The following ASCC3 variants were observed in gnomAD, a reference collection of about 807,000 sequenced individuals.
The protein encoded by ASCC3 is activating signal cointegrator 1 complex subunit 3, also known as ASC-1 complex subunit P200.
In ASCC3, 158 loss-of-function variants were observed where a neutral mutation model predicts 256.3. The observed-to-expected ratio is 0.62, with a 90% CI of 0.54 to 0.70. ASCC3 has a LOEUF of 0.70. Among genes scored for constraint, ASCC3 ranks in the 30% least tolerant of loss-of-function variants. The pLI is 0.00. For missense variants in ASCC3, 2,259 were observed against 2,626.0 expected (o/e 0.86, Z 3.05); for synonymous variants, 948 against 883.4 (o/e 1.07, Z -1.30).
intron 2 of ASCC3, among the ~76,000 whole-genome samples, chr6:100,866,507 C>T (rs936396769): frequency 3.3e-5 from 5 of 152,306 alleles, no homozygotes; most frequent in Non-Finnish European, 5.9e-5. Flanking sequence ...CATATATACC[C>T]TCAAAATTCA....
rs1772335416 is a variant in ASCC3 at position 100,597,002 on chromosome 6, C to CA, written c.5303+4807dup. ...TGTTCCTTGAATACACCAGGCATGCCAGCCTTAATATCTCTCTTGTTCCCT... is the reference window on the plus strand; with the variant it reads ...TGTTCCTTGAATACACCAGGCATGCCAAGCCTTAATATCTCTCTTGTTCCCT... On this transcript the variant is annotated intron_variant, in intron 34 of 41. Coordinates refer to ENST00000369162, the MANE Select transcript of ASCC3 (RefSeq NM_006828.4). 3.9e-5 allele frequency among the ~76,000 whole-genome samples: 6 copies of CA among 152,274 alleles called. No individual in the cohort carries two copies. The South Asian group carries it at 1.2e-3, about 32-fold the overall frequency.
At chr6:100,859,357 G>T (rs796784941) in intron 3 of ASCC3, among the ~76,000 whole-genome samples, 1 of 152,040 alleles carries the variant, frequency 6.6e-6, no homozygotes, top group Non-Finnish European at 1.5e-5. Flanking sequence ...TCTCTGTAGA[G>T]GGTTGTTCCA....
At position 100,527,196 on chromosome 6, in the gene ASCC3, T is replaced by C. The variant is rs867445659; in HGVS notation, c.5776-9054A>G. On this transcript the variant is annotated intron_variant, in intron 37 of 41. Coordinates refer to ENST00000369162, the MANE Select transcript of ASCC3 (RefSeq NM_006828.4). ...TGTATGCTTATAGTATTAATGCTCA[T>C]AGTTCCTTGAAACATATCCATAAAT... Among the ~76,000 whole-genome samples the C allele has an allele frequency of 3.9e-5, 6 of 152,206 alleles. No individual in the cohort carries two copies. In the East Asian group the frequency reaches 9.6e-4, roughly 24 times the overall value.
chr6:100,614,042 G>T (rs1582564472), intron 30 of ASCC3, among the ~76,000 whole-genome samples: 5 of 152,190 alleles, frequency 3.3e-5, no homozygotes, highest in African/African-American at 1.2e-4. Context: ...AGATATTAAA[G>T]ATTTTTTCTT....
At chr6:100,782,581 GC>G (rs1056510511) in intron 8 of ASCC3, among the ~76,000 whole-genome samples, 1 of 152,000 alleles carries the variant, frequency 6.6e-6, no homozygotes, top group Non-Finnish European at 1.5e-5. Context: ...TTACACATGT[GC>G]AAAATTGTGT....
Position 100,605,266 on chromosome 6 carries a change from G to A in ASCC3, c.5177+302C>T, listed in dbSNP as rs77910039. Among the ~76,000 whole-genome samples, 1,102 of 152,214 alleles carry A rather than the reference G, an allele frequency of 7.2e-3. 11 individuals are homozygous for A. The highest frequency in any genetic ancestry group is 0.027 in the Middle Eastern group (8 of 294). ...TACAATAGGTGCAATAAGGCAATGA[G>A]GTGTTAAGCAACTTGCTCAAGATCA... On this transcript the variant is annotated intron_variant, in intron 33 of 41. Coordinates refer to ENST00000369162, the MANE Select transcript of ASCC3 (RefSeq NM_006828.4).
At chr6:100,721,752 G>A (rs938269212) in intron 11 of ASCC3, among the ~76,000 whole-genome samples, 2 of 151,256 alleles carry the variant, frequency 1.3e-5, no homozygotes, top group Non-Finnish European at 3.0e-5. Context: ...CATTTCTACT[G>A]AAGAAATCAC....
At chr6:100,788,309 G>A (rs914998968) in intron 8 of ASCC3, among the ~76,000 whole-genome samples, 22 of 151,746 alleles carry the variant, frequency 1.4e-4, no homozygotes, top group African/African-American at 5.1e-4. Context: ...TTTTTAAACC[G>A]ACAATATTAT....
At chr6:100,744,045 A>T (rs918544285) in intron 10 of ASCC3, among the ~76,000 whole-genome samples, 1 of 152,196 alleles carries the variant, frequency 6.6e-6, no homozygotes, top group Non-Finnish European at 1.5e-5. Flanking sequence ...TGAAAAAGAT[A>T]CACAGTACTT....
intron 4 of ASCC3, among the ~76,000 whole-genome samples, chr6:100,809,048 G>C (rs1006827477): frequency 2.6e-5 from 4 of 151,928 alleles, no homozygotes; most frequent in Non-Finnish European, 5.9e-5. Context: ...GAGCCTGCAG[G>C]ATTGGAAATT....
rs148837565 is a variant in ASCC3, at chr6:100,681,373, C to G, written c.2152-1621G>C. Among the ~76,000 whole-genome samples the G allele has an allele frequency of 5.8e-3, 880 of 152,214 alleles. 7 individuals carry two copies. Among genetic ancestry groups the G allele is most frequent in the African/African-American group, 0.021 (852 of 41,532 alleles). Reference sequence around the variant, plus strand: ...AGGGCATAAATCTTGAGATTTCATACTTTATCAGAGCTCTAACTTATTTAC... The same window carrying G: ...AGGGCATAAATCTTGAGATTTCATAGTTTATCAGAGCTCTAACTTATTTAC... On this transcript the variant is annotated intron_variant, in intron 13 of 41. Coordinates refer to ENST00000369162, the MANE Select transcript of ASCC3 (RefSeq NM_006828.4).
intron 13 of ASCC3, among the ~76,000 whole-genome samples, chr6:100,690,365 T>C (rs1777785668): frequency 6.6e-6 from 1 of 152,090 alleles, no homozygotes; most frequent in Non-Finnish European, 1.5e-5. Context: ...CCCATGAATA[T>C]GGAGAGCCAA....
chr6:100,872,454 G>GA (rs1283842677), intron 1 of ASCC3, among the ~76,000 whole-genome samples: 40 of 85,402 alleles, frequency 4.7e-4, no homozygotes, highest in Middle Eastern at 7.0e-3. Context: ...GACCTGAGTA[G>GA]AAAAAAAAAA....
intron 14 of ASCC3, among the ~76,000 whole-genome samples, chr6:100,670,886 A>C (rs1183710359): frequency 1.3e-5 from 2 of 152,044 alleles, no homozygotes; most frequent in African/African-American, 4.8e-5. Context: ...CATTGTTAAC[A>C]ATAAAAGGTA....
At chr6:100,540,491 T>C (rs1775402868) in intron 36 of ASCC3, 104 bp from the exon 37 acceptor site, 1 of 959,652 alleles carries the variant, frequency 1.0e-6, no homozygotes, top group Admixed American at 2.2e-5. Flanking sequence ...AATCATACAA[T>C]AACCATATCC....
At chr6:100,640,963 T>C (rs2114889102) in intron 24 of ASCC3, among the ~76,000 whole-genome samples, 1 of 152,122 alleles carries the variant, frequency 6.6e-6, no homozygotes, top group Middle Eastern at 3.4e-3. Flanking sequence ...TGACAAAGGG[T>C]TTCTCTTTGG....
chr6:100,811,659 A>C (rs1227060047), intron 4 of ASCC3, among the ~76,000 whole-genome samples: 2 of 152,280 alleles, frequency 1.3e-5, no homozygotes, highest in Middle Eastern at 3.4e-3. Flanking sequence ...ATTTCTGTTA[A>C]CCTTTCATAT....
intron 25 of ASCC3, among the ~76,000 whole-genome samples, chr6:100,634,413 C>A (rs1350000525): frequency 6.6e-6 from 1 of 152,140 alleles, no homozygotes; most frequent in Non-Finnish European, 1.5e-5. Context: ...TCCCCCTACC[C>A]AAATGGGTTC....
chr6:100,516,953 T>C (rs1212687762), intron 38 of ASCC3, among the ~76,000 whole-genome samples: 2 of 152,138 alleles, frequency 1.3e-5, no homozygotes, highest in East Asian at 3.9e-4. Context: ...TACCCTAATG[T>C]GCGTTCTTTA....
Sources: allele counts gnomAD v4.1 joint callset (sites outside exome capture counted in the v4.1 genomes callset), GRCh38; gene constraint gnomAD v4.1.1; transcripts MANE v1.5; gene names NCBI Gene and HGNC (gene_info 2026-07-23, HGNC 2026-07-21).